The following CSNK1G1 variants were observed in gnomAD, a reference collection of about 807,000 sequenced individuals.
CSNK1G1 encodes casein kinase I isoform gamma-1.
CSNK1G1 carries 22 observed loss-of-function variants against 59.6 expected under a neutral mutation model. The observed-to-expected ratio is 0.37, with a 90% CI of 0.26 to 0.53. The LOEUF is 0.53. Ranked by LOEUF, CSNK1G1 falls within the 20% of genes least tolerant of loss-of-function variation. The pLI, the probability that CSNK1G1 is intolerant of heterozygous loss-of-function variation, is 0.89. For missense variants in CSNK1G1, 384 were observed against 519.5 expected (o/e 0.74, Z 2.54); for synonymous variants, 179 against 177.1 (o/e 1.01, Z -0.08).
At chr15:64,267,462 C>CA (rs978422552) in intron 2 of CSNK1G1, among the ~76,000 whole-genome samples, 10 of 151,942 alleles carry the variant, frequency 6.6e-5, no homozygotes, top group African/African-American at 1.9e-4. Context: ...AACTCACTAA[C>CA]AAAAAACCCC....
intron 2 of CSNK1G1, among the ~76,000 whole-genome samples, chr15:64,283,697 G>A (rs760363548): frequency 3.9e-5 from 6 of 152,146 alleles, no homozygotes; most frequent in Non-Finnish European, 7.4e-5. Context: ...TGGCCAGGCT[G>A]GTCTCAAACT....
At chr15:64,185,195 C>A (rs2081875168) in intron 10 of CSNK1G1, among the ~76,000 whole-genome samples, 1 of 152,196 alleles carries the variant, frequency 6.6e-6, no homozygotes. Flanking sequence ...CTTATCAGAG[C>A]AAACTTTTCT....
chr15:64,171,539 C>G lies in CSNK1G1; in HGVS notation c.*392G>C. On this transcript the variant is annotated 3_prime_UTR_variant, in exon 12 of 12. Coordinates refer to ENST00000303052, the MANE Select transcript of CSNK1G1 (RefSeq NM_022048.5). This position sits in a 1 kb window ranked among gnomAD's most constrained non-coding sequence, Gnocchi z 4.8. ...CCTTCTGCAGACAAAGCCTTTAGCT[C>G]ACTAGGTTTTATGCTGGAGAGGGTT... 1 of 195,178 alleles carries G rather than the reference C, an allele frequency of 5.1e-6. No individual in the cohort carries two copies. The highest frequency in any genetic ancestry group is 1.1e-5 in the Non-Finnish European group (1 of 93,904). The allele number at this position is 195,178 out of a possible 1,614,324, so 12.1% of individuals were successfully genotyped here. A position where few individuals can be genotyped will look rare whatever the true frequency, so the allele number is the denominator to read the frequency against.
chr15:64,282,806 C>T (rs970583814), intron 2 of CSNK1G1, among the ~76,000 whole-genome samples: 4 of 152,138 alleles, frequency 2.6e-5, no homozygotes, highest in Admixed American at 1.3e-4. Context: ...TTCTACACTT[C>T]CCCCCTAGCC....
intron 2 of CSNK1G1, among the ~76,000 whole-genome samples, chr15:64,297,669 G>C (rs1205702597): frequency 6.6e-6 from 1 of 151,884 alleles, no homozygotes; most frequent in African/African-American, 2.4e-5. Context: ...TGCACTCCAG[G>C]GCGGGTAACA....
chr15:64,188,511 A>C lies in CSNK1G1; in HGVS notation c.1108-8057T>G. ...CTGCTTAGGCGTTAGAAAGCATGAGAGCAAGATATGGAAGGAAAGGTGAAG... is the reference window on the plus strand; with the variant it reads ...CTGCTTAGGCGTTAGAAAGCATGAGCGCAAGATATGGAAGGAAAGGTGAAG... On this transcript the variant is annotated intron_variant, in intron 10 of 11. Coordinates refer to ENST00000303052, the MANE Select transcript of CSNK1G1 (RefSeq NM_022048.5). The surrounding 1 kb of genome is among the most constrained non-coding windows in gnomAD (Gnocchi z 4.2). 1.3e-6 allele frequency: 2 copies of C among 1,492,938 alleles called. No homozygotes were observed. The highest frequency in any genetic ancestry group is 1.8e-6 in the Non-Finnish European group (2 of 1,108,430). The allele number at this position is 1,492,938 out of a possible 1,614,324, so 92.5% of individuals were successfully genotyped here. A position where few individuals can be genotyped will look rare whatever the true frequency, so the allele number is the denominator to read the frequency against.
At chr15:64,301,452 A>T (rs1342436592) in intron 1 of CSNK1G1, among the ~76,000 whole-genome samples, 2 of 152,146 alleles carry the variant, frequency 1.3e-5, no homozygotes, top group African/African-American at 2.4e-5. Context: ...GCCCAACACA[A>T]ATGTTTGCAA....
At chr15:64,333,643 T>C (rs1897236286) in intron 1 of CSNK1G1, among the ~76,000 whole-genome samples, 3 of 152,022 alleles carry the variant, frequency 2.0e-5, no homozygotes, top group Admixed American at 1.3e-4. Context: ...AGGTACAAAT[T>C]GGCAAAATGG....
intron 2 of CSNK1G1, among the ~76,000 whole-genome samples, chr15:64,268,987 TCC>T (rs772968280): frequency 2.2e-5 from 3 of 139,080 alleles, no homozygotes; most frequent in Non-Finnish European, 5.0e-5. Flanking sequence ...TAGGATATTC[TCC>T]TTACCATTTT....
At position 64,167,587 on chromosome 15, in the gene CSNK1G1, G is replaced by T. The variant is rs756192635; in HGVS notation, c.*4344C>A. ...CCACCATAGGGCAATGGTGGGGATGGTGGCAGTGGCGTGGCAAAGGCAATG... is the reference window on the plus strand; with the variant it reads ...CCACCATAGGGCAATGGTGGGGATGTTGGCAGTGGCGTGGCAAAGGCAATG... On this transcript the variant is annotated 3_prime_UTR_variant, in exon 12 of 12. Transcript: ENST00000303052. 6.5e-6 allele frequency: 1 copy of T among 152,728 alleles called. No individual in the cohort carries two copies. The highest frequency in any genetic ancestry group is 1.5e-5 in the Non-Finnish European group (1 of 68,076). The allele number at this position is 152,728 out of a possible 1,614,324, so 9.5% of individuals were successfully genotyped here. A position where few individuals can be genotyped will look rare whatever the true frequency, so the allele number is the denominator to read the frequency against.
chr15:64,263,001 C>T (rs1892777917), intron 2 of CSNK1G1, among the ~76,000 whole-genome samples: 1 of 150,370 alleles, frequency 6.7e-6, no homozygotes, highest in Admixed American at 6.6e-5. Flanking sequence ...ATAGCTTGAA[C>T]CCAGGAGGCA....
chr15:64,300,628 T>C lies in CSNK1G1; in HGVS notation c.-129A>G. On this transcript the variant is annotated 5_prime_UTR_variant, in exon 2 of 12. Transcript: ENST00000303052. The stretch of plus-strand genomic sequence containing the variant: ...TAAGGAGTTCTTTTAGCACCATATT[T>C]GTTTGTAATGTATCTCCGGGAGATG... 7.3e-7 allele frequency: 1 copy of C among 1,377,752 alleles called. No individual in the cohort carries two copies. Among genetic ancestry groups the C allele is most frequent in the Non-Finnish European group, 9.4e-7 (1 of 1,060,098 alleles). 85.3% of individuals were successfully genotyped at this position (1,377,752 alleles called of 1,614,324 possible).
At chr15:64,197,424 T>C (rs184541008) in intron 10 of CSNK1G1, among the ~76,000 whole-genome samples, 2 of 152,314 alleles carry the variant, frequency 1.3e-5, no homozygotes, top group East Asian at 3.9e-4. Flanking sequence ...GATGCCTAAA[T>C]TCAAATTCCA....
rs145764494 is a variant in CSNK1G1, at chr15:64,321,534, G to C, written c.-224-20811C>G. On this transcript the variant is annotated intron_variant, in intron 1 of 11. Transcript: ENST00000303052. ...CTGCTTCAACCTCCCAAAGGGCTGG[G>C]ATTACAGGCACCAGCCATCGCACCC... Among the ~76,000 whole-genome samples the C allele has an allele frequency of 8.4e-3, 1,282 of 152,208 alleles. 19 individuals are homozygous for C. The highest frequency in any genetic ancestry group is 0.029 in the African/African-American group (1,202 of 41,548).
intron 1 of CSNK1G1, among the ~76,000 whole-genome samples, chr15:64,307,096 T>C (rs1895720002): frequency 1.3e-5 from 2 of 152,208 alleles, no homozygotes; most frequent in Admixed American, 6.5e-5. Flanking sequence ...ATCCATAGAA[T>C]GTATAATACA....
chr15:64,336,759 T>C (rs1727830247), intron 1 of CSNK1G1, among the ~76,000 whole-genome samples: 1 of 152,196 alleles, frequency 6.6e-6, no homozygotes, highest in Admixed American at 6.5e-5. Context: ...AACTCAGTTT[T>C]AGTCACGATT....
intron 1 of CSNK1G1, among the ~76,000 whole-genome samples, chr15:64,342,093 C>T (rs1005047149): frequency 2.0e-5 from 3 of 152,208 alleles, no homozygotes; most frequent in African/African-American, 7.2e-5. Flanking sequence ...TCCCCTTGCA[C>T]TCTGTCAAGT....
intron 1 of CSNK1G1, among the ~76,000 whole-genome samples, chr15:64,335,120 A>G (rs575260932): frequency 1.6e-4 from 25 of 152,350 alleles, no homozygotes; most frequent in Non-Finnish European, 3.4e-4. Flanking sequence ...ATTTCAGAAC[A>G]CATCCTGTGT....
At chr15:64,206,938 G>C (rs1042974565) in intron 7 of CSNK1G1, among the ~76,000 whole-genome samples, 1 of 152,132 alleles carries the variant, frequency 6.6e-6, no homozygotes, top group African/African-American at 2.4e-5. Flanking sequence ...AGTACACCCT[G>C]CTGGCCTTTC....
Sources: allele counts gnomAD v4.1 joint callset (sites outside exome capture counted in the v4.1 genomes callset), GRCh38; gene constraint gnomAD v4.1.1; non-coding constraint Gnocchi (gnomAD v3.1); transcripts MANE v1.5; gene names NCBI Gene and HGNC (gene_info 2026-07-23, HGNC 2026-07-21).